The following SIPA1L2 variants were observed in gnomAD, a reference collection of about 807,000 sequenced individuals.
SIPA1L2 encodes signal induced proliferation associated 1 like 2.
A neutral mutation model predicts 163.9 loss-of-function variants in SIPA1L2; 56 were observed. The ratio of observed to expected loss-of-function variants is 0.34; its 90% CI spans 0.28 to 0.43. The LOEUF is 0.43. Among genes scored for constraint, SIPA1L2 ranks in the 20% least tolerant of loss-of-function variants. The pLI is 1.00. For missense variants in SIPA1L2, 1,974 were observed against 2,193.5 expected (o/e 0.90, Z 2.00); for synonymous variants, 877 against 865.7 (o/e 1.01, Z -0.23).
intron 19 of SIPA1L2, among the ~76,000 whole-genome samples, chr1:232,406,099 A>G (rs1028107958): frequency 3.9e-5 from 6 of 152,342 alleles, no homozygotes; most frequent in African/African-American, 1.4e-4. Context: ...TACAGACACC[A>G]AGCTACTTTA....
chr1:232,586,994 G>C (rs554386936), intron 1 of SIPA1L2, among the ~76,000 whole-genome samples: 1 of 152,348 alleles, frequency 6.6e-6, no homozygotes, highest in African/African-American at 2.4e-5. Flanking sequence ...ACATACAAGG[G>C]TAGGGAGACT....
chr1:232,459,804 C>T (rs1340088740), intron 10 of SIPA1L2, among the ~76,000 whole-genome samples: 1 of 152,150 alleles, frequency 6.6e-6, no homozygotes, highest in African/African-American at 2.4e-5. Flanking sequence ...TGAGCCATAG[C>T]GCCCAGCCCC....
In SIPA1L2 at chr1:232,465,188, G is replaced by C. The variant is rs367594887; in HGVS notation, c.2472C>G (p.Thr824=). 3 of 1,614,056 alleles carry C rather than the reference G, an allele frequency of 1.9e-6. No individual in the cohort carries two copies. The highest frequency in any genetic ancestry group is 2.7e-5 in the African/African-American group (2 of 74,906). Residue 824 remains threonine (T), a synonymous_variant, in exon 9 of 23, where the codon ACC becomes ACG. Coordinates refer to ENST00000674635, the MANE Select transcript of SIPA1L2 (RefSeq NM_020808.5). This position sits in a 1 kb window ranked among gnomAD's most constrained non-coding sequence, Gnocchi z 4.1. ...ENFVTTATVD[T]SVKFSFITLG... is the part of the protein sequence containing the mutation. Reference sequence around the variant, plus strand: ...GCGTAATGAAGCTGAACTTCACAGAGGTATCCACGGTGGCGGTTGTGACAA... The same window carrying C: ...GCGTAATGAAGCTGAACTTCACAGACGTATCCACGGTGGCGGTTGTGACAA...
chr1:232,566,802 T>C (rs946586889), intron 2 of SIPA1L2, among the ~76,000 whole-genome samples: 4 of 152,226 alleles, frequency 2.6e-5, no homozygotes, highest in African/African-American at 9.6e-5. Context: ...TACCAATGGG[T>C]CAATTCATTT....
In SIPA1L2 at chr1:232,465,549, TAC is replaced by T. The variant is rs1237995972; in HGVS notation, c.2244-135_2244-134del. On this transcript the variant is annotated intron_variant, in intron 8 of 22. Transcript: ENST00000674635. The surrounding 1 kb of genome is among the most constrained non-coding windows in gnomAD (Gnocchi z 4.1). ...ACACACACACATATACATACACACATACACACACACTTTCAACTTAACTGGTT... is the reference window on the plus strand; with the variant it reads ...ACACACACACATATACATACACACATACACACACTTTCAACTTAACTGGTT... 4.8e-6 allele frequency: 3 copies of T among 618,866 alleles called. No homozygotes were observed. The highest frequency in any genetic ancestry group is 6.9e-6 in the Non-Finnish European group (3 of 437,096). 38.3% of individuals were successfully genotyped at this position (618,866 alleles called of 1,614,324 possible). A position where few individuals can be genotyped will look rare whatever the true frequency, so the allele number is the denominator to read the frequency against.
rs149553628 is a variant in SIPA1L2, at chr1:232,587,532, T to G, written c.-318-13310A>C. Among the ~76,000 whole-genome samples the G allele has an allele frequency of 2.6e-5, 4 of 152,304 alleles. No individual in the cohort carries two copies. The East Asian group carries it at 7.7e-4, about 29-fold the overall frequency. On this transcript the variant is annotated intron_variant, in intron 1 of 22. Transcript: ENST00000674635. ...ATTCTAAAGCTGTTATTTGCCTTTT[T>G]GTACAGCATCAACAGTACAAGAGCA...
chr1:232,540,941 T>C (rs1484537558), intron 2 of SIPA1L2, among the ~76,000 whole-genome samples: 2 of 152,208 alleles, frequency 1.3e-5, no homozygotes, highest in East Asian at 1.9e-4. Context: ...TCATGTCTTT[T>C]GCAGGGACAT....
At chr1:232,571,407 CTG>C (rs1454514891) in intron 2 of SIPA1L2, among the ~76,000 whole-genome samples, 1 of 152,162 alleles carries the variant, frequency 6.6e-6, no homozygotes, top group African/African-American at 2.4e-5. Flanking sequence ...TCTGAAAAGT[CTG>C]TTGACAGTGA....
intron 1 of SIPA1L2, among the ~76,000 whole-genome samples, chr1:232,628,127 A>G (rs1433009164): frequency 6.6e-6 from 1 of 152,232 alleles, no homozygotes; most frequent in African/African-American, 2.4e-5. Context: ...AAAGTGCTTA[A>G]AAACATAACT....
At chr1:232,541,567 G>A (rs534258237) in intron 2 of SIPA1L2, among the ~76,000 whole-genome samples, 1 of 152,184 alleles carries the variant, frequency 6.6e-6, no homozygotes, top group African/African-American at 2.4e-5. Context: ...TTCTTTTCTT[G>A]TCAATATCTG....
intron 18 of SIPA1L2, among the ~76,000 whole-genome samples, chr1:232,416,326 T>A (rs1335463277): frequency 6.6e-6 from 1 of 152,146 alleles, no homozygotes; most frequent in African/African-American, 2.4e-5. Flanking sequence ...AAATGGAGGT[T>A]TGTAAAAAGC....
intron 1 of SIPA1L2, among the ~76,000 whole-genome samples, chr1:232,623,095 C>T (rs1388120226): frequency 6.6e-6 from 1 of 152,212 alleles, no homozygotes; most frequent in African/African-American, 2.4e-5. Context: ...CTGGAAGTTA[C>T]TGGAGATACA....
intron 9 of SIPA1L2, among the ~76,000 whole-genome samples, chr1:232,463,970 T>G (rs1203346605): frequency 6.6e-6 from 1 of 152,088 alleles, no homozygotes; most frequent in Non-Finnish European, 1.5e-5. Context: ...ATATTTTTGG[T>G]GGGAGGAAAG....
At position 232,464,954 on chromosome 1, in the gene SIPA1L2, C is replaced by T. The variant is rs750669651; in HGVS notation, c.2706G>A (p.Gly902=). Reference sequence around the variant, plus strand: ...TGATACTCACTAATCCAGATGTCCACCCAATCACATCCCTGCAGGAACAGT... The same window carrying T: ...TGATACTCACTAATCCAGATGTCCATCCAATCACATCCCTGCAGGAACAGT... ...VFNCSCRDVI[G]WTSGLVSIKV... The change falls in exon 9 of 23, where the codon GGG becomes GGA. Residue 902 remains glycine, a synonymous_variant. Coordinates refer to ENST00000674635, the MANE Select transcript of SIPA1L2 (RefSeq NM_020808.5). 2.2e-5 allele frequency: 35 copies of T among 1,614,110 alleles called. No homozygotes were observed. Among genetic ancestry groups the T allele is most frequent in the Non-Finnish European group, 2.7e-5 (32 of 1,180,044 alleles).
rs187160879 is a variant in SIPA1L2, at chr1:232,551,557, G to A, written c.-270+22617C>T. On this transcript the variant is annotated intron_variant, in intron 2 of 22. Transcript: ENST00000674635. Reference sequence around the variant, plus strand: ...AAGCAGTAGTACTCCCAAGAAGAGCGGTGGGAATTTCCAGGAAGGAGAGAG... The same window carrying A: ...AAGCAGTAGTACTCCCAAGAAGAGCAGTGGGAATTTCCAGGAAGGAGAGAG... Among the ~76,000 whole-genome samples the A allele has an allele frequency of 1.9e-4, 29 of 152,336 alleles. No homozygotes were observed. The South Asian group carries it at 2.7e-3, about 14-fold the overall frequency.
intron 5 of SIPA1L2, among the ~76,000 whole-genome samples, chr1:232,486,262 C>T (rs897380119): frequency 1.3e-5 from 2 of 152,190 alleles, no homozygotes; most frequent in Middle Eastern, 3.2e-3. Context: ...TGTGGGCTTG[C>T]TATTTCTTGT....
chr1:232,441,310 G>C lies in SIPA1L2; in HGVS notation c.3623C>G (p.Ser1208Cys), dbSNP rs1307597254. The change falls in exon 14 of 23, where the codon TCC (serine) becomes TGC (cysteine). Residue 1208 changes from serine (S) to cysteine (C), a missense_variant. Around this residue, in one of 3 missense-constraint regions of SIPA1L2, gnomAD observed 1,079 missense variants for 1,150.7 expected, o/e 0.94. Transcript: ENST00000674635. ...ALQKDGSCKD[S>C]PNKLSHIGDK... Reference sequence around the variant, plus strand: ...ACTTACGTGAGAAAGCTTATTGGGGGAATCTTTGCAACTTCCATCTTTCTG... The same window carrying C: ...ACTTACGTGAGAAAGCTTATTGGGGCAATCTTTGCAACTTCCATCTTTCTG... 6.3e-7 allele frequency: 1 copy of C among 1,596,840 alleles called. No homozygotes were observed. Among genetic ancestry groups the C allele is most frequent in the East Asian group, 2.2e-5 (1 of 44,802 alleles).
rs1268933906 is a variant in SIPA1L2 at position 232,456,088 on chromosome 1, C to T, written c.3095+4799G>A. Among the ~76,000 whole-genome samples the T allele has an allele frequency of 3.9e-5, 6 of 151,908 alleles. No individual in the cohort carries two copies. In the East Asian group the frequency reaches 7.7e-4, roughly 20 times the overall value. On this transcript the variant is annotated intron_variant, in intron 10 of 22. Transcript: ENST00000674635. Reference sequence around the variant, plus strand: ...CCACGTAACACACCTGCACATGTACCCCTTGAACCTAAAAGCTGGGAAGAA... The same window carrying T: ...CCACGTAACACACCTGCACATGTACTCCTTGAACCTAAAAGCTGGGAAGAA...
intron 1 of SIPA1L2, among the ~76,000 whole-genome samples, chr1:232,576,378 T>C (rs1005726789): frequency 6.6e-6 from 1 of 152,240 alleles, no homozygotes; most frequent in Non-Finnish European, 1.5e-5. Context: ...CGATCTTGGA[T>C]GGAACTAGTG....
Sources: allele counts gnomAD v4.1 joint callset (sites outside exome capture counted in the v4.1 genomes callset), GRCh38; gene constraint gnomAD v4.1.1; regional missense constraint gnomAD v4.1.1; non-coding constraint Gnocchi (gnomAD v3.1); transcripts MANE v1.5; gene names NCBI Gene and HGNC (gene_info 2026-07-23, HGNC 2026-07-21).